The following MTAP variants were observed in gnomAD, a reference collection of about 807,000 sequenced individuals.
MTAP encodes S-methyl-5'-thioadenosine phosphorylase.
Under a neutral mutation model 33.6 loss-of-function variants are expected in MTAP, and 33 were observed. The observed-to-expected ratio is 0.98, with a 90% confidence interval of 0.74 to 1.31. The LOEUF (loss-of-function observed/expected upper bound fraction) is 1.31, where lower values mean the gene tolerates loss of function less well. MTAP is among the 40% of genes most tolerant of loss of function. The pLI, the probability that MTAP is intolerant of heterozygous loss-of-function variation, is 0.00. For missense variants in MTAP, 367 were observed against 360.0 expected (o/e 1.02, Z -0.16); for synonymous variants, 148 against 125.7 (o/e 1.18, Z -1.19).
At chr9:21,929,086 G>A (rs1041016056) in intron 1 of MTAP, among the ~76,000 whole-genome samples, 12 of 152,064 alleles carry the variant, frequency 7.9e-5, no homozygotes, top group South Asian at 6.2e-4. Flanking sequence ...ATTCTGGGGG[G>A]GCCACTTCAC....
Position 21,863,670 on chromosome 9 carries a change from A to C in MTAP, c.*1656A>C. ...TGCTTTTTGTTTGCTTCAGTTTTTTATCATGGGGAGATCTTTTTCCTCAGA... is the reference window on the plus strand; with the variant it reads ...TGCTTTTTGTTTGCTTCAGTTTTTTCTCATGGGGAGATCTTTTTCCTCAGA... On this transcript the variant is annotated 3_prime_UTR_variant, in exon 8 of 8. Transcript: ENST00000644715. The C allele has an allele frequency of 2.0e-6, 2 of 985,234 alleles. No individual in the cohort carries two copies. Among genetic ancestry groups the C allele is most frequent in the Non-Finnish European group, 2.4e-6 (2 of 829,818 alleles). The allele number at this position is 985,234 out of a possible 1,614,324, so 61.0% of individuals were successfully genotyped here.
chr9:21,803,314 T>C, intron 1 of MTAP: 1 of 190,246 alleles, frequency 5.3e-6, no homozygotes, highest in Admixed American at 6.1e-5. Context: ...TTTTGTATGC[T>C]TCCGGCTTCT....
At chr9:21,890,808 G>A (rs1245102967) in intron 1 of MTAP, among the ~76,000 whole-genome samples, 1 of 152,164 alleles carries the variant, frequency 6.6e-6, no homozygotes, top group Non-Finnish European at 1.5e-5. Context: ...GTCTCACAGA[G>A]CTTGCAGTGG....
intron 1 of MTAP, among the ~76,000 whole-genome samples, chr9:21,809,594 G>A (rs1298152753): frequency 1.3e-5 from 2 of 150,456 alleles, no homozygotes; most frequent in East Asian, 3.9e-4. Context: ...AGCCGAGATC[G>A]CACCACTGCA....
intron 5 of MTAP, among the ~76,000 whole-genome samples, chr9:21,852,547 C>A (rs1296331293): frequency 6.7e-6 from 1 of 150,062 alleles, no homozygotes; most frequent in Non-Finnish European, 1.5e-5. Context: ...GACTTTGGGG[C>A]CTCTGGGGGA....
chr9:21,875,393 CT>C (rs1270600504), intron 1 of MTAP, among the ~76,000 whole-genome samples: 2 of 152,100 alleles, frequency 1.3e-5, no homozygotes, highest in East Asian at 3.9e-4. Flanking sequence ...TAAATGTCTT[CT>C]TTTGAGAAGT....
rs1824529094 is a variant in MTAP at position 21,818,051 on chromosome 9, A to G, written c.196A>G (p.Thr66Ala). 6.2e-7 allele frequency: 1 copy of G among 1,612,246 alleles called. No individual in the cohort carries two copies. The highest frequency in any genetic ancestry group is 1.7e-5 in the Admixed American group (1 of 59,634). The change falls in exon 4 of 8, where the codon ACC (threonine) becomes GCC (alanine). Residue 66 changes from threonine (T) to alanine (A), a missense_variant. Coordinates refer to ENST00000644715, the MANE Select transcript of MTAP (RefSeq NM_002451.4). ...CTTCCATAGGCATGGAAGGCAGCAC[A>G]CCATCATGCCTTCAAAGGTCAACTA... is the stretch of plus-strand genomic sequence containing the variant. ...VLLARHGRQH[T>A]IMPSKVNYQA...
At chr9:21,899,052 CA>C (rs1343367211) in intron 1 of MTAP, among the ~76,000 whole-genome samples, 1 of 151,858 alleles carries the variant, frequency 6.6e-6, no homozygotes, top group African/African-American at 2.4e-5. Context: ...ACTATGCAGC[CA>C]TAAAAAAGGA....
At chr9:21,916,376 G>A (rs575310335) in intron 1 of MTAP, among the ~76,000 whole-genome samples, 24 of 152,196 alleles carry the variant, frequency 1.6e-4, no homozygotes, top group African/African-American at 5.3e-4. Flanking sequence ...TTAGGAGGCC[G>A]AGACGGGTGG....
At chr9:21,870,365 A>G (rs1384296821), downstream of MTAP, among the ~76,000 whole-genome samples, 1 of 152,232 alleles carries the variant, frequency 6.6e-6, no homozygotes, top group Non-Finnish European at 1.5e-5. Context: ...ACAGCAGGAA[A>G]CTTGTCATTT....
intron 1 of MTAP, among the ~76,000 whole-genome samples, chr9:21,912,994 CAGAG>C (rs1024302442): frequency 1.3e-5 from 2 of 152,130 alleles, no homozygotes; most frequent in Non-Finnish European, 2.9e-5. Context: ...CAATAACAGA[CAGAG>C]AGCCAAATCA....
chr9:21,851,514 A>G (rs2118479739), intron 5 of MTAP, among the ~76,000 whole-genome samples: 1 of 152,334 alleles, frequency 6.6e-6, no homozygotes, highest in South Asian at 2.1e-4. Context: ...TTCCAGTTGC[A>G]CAAAGGATAG....
intron 5 of MTAP, among the ~76,000 whole-genome samples, chr9:21,839,552 G>C (rs1305983405): frequency 6.6e-6 from 1 of 152,170 alleles, no homozygotes; most frequent in African/African-American, 2.4e-5. Context: ...ATCCAAGTTA[G>C]CCTCCCTTGA....
intron 5 of MTAP, 79 bp downstream of exon 5, chr9:21,838,089 G>C (rs575023145): frequency 1.2e-5 from 14 of 1,182,138 alleles, no homozygotes; most frequent in East Asian, 1.2e-4. Context: ...TTAATTGGCA[G>C]AGCGAGTGGC....
intron 1 of MTAP, among the ~76,000 whole-genome samples, chr9:21,908,712 G>C (rs1159356819): frequency 1.3e-5 from 2 of 151,676 alleles, no homozygotes; most frequent in African/African-American, 4.8e-5. Flanking sequence ...TCCTTTTCTT[G>C]CTTCCCTACA....
intron 1 of MTAP, among the ~76,000 whole-genome samples, chr9:21,880,204 G>A (rs1452415620): frequency 2.6e-5 from 4 of 152,102 alleles, no homozygotes; most frequent in African/African-American, 9.7e-5. Flanking sequence ...AGAAGAGTAA[G>A]AGAGCTAAGT....
At chr9:21,899,236 G>A (rs1180995942) in intron 1 of MTAP, among the ~76,000 whole-genome samples, 1 of 122,230 alleles carries the variant, frequency 8.2e-6, no homozygotes, top group African/African-American at 3.1e-5. Context: ...CCTGTTGTGG[G>A]GTGGGGGGAG....
chr9:21,810,086 G>A (rs1824307722), intron 1 of MTAP, among the ~76,000 whole-genome samples: 2 of 152,176 alleles, frequency 1.3e-5, no homozygotes, highest in South Asian at 2.1e-4. Flanking sequence ...GTATTAGTTC[G>A]CTAGGCCTGC....
At position 21,877,400 on chromosome 9, in the gene MTAP, T is replaced by G. The variant is rs368106221; in HGVS notation, c.147+22530T>G. Among the ~76,000 whole-genome samples the G allele has an allele frequency of 1.5e-4, 23 of 152,226 alleles. 1 individual carries two copies. Among genetic ancestry groups the G allele is most frequent in the African/African-American group, 5.5e-4 (23 of 41,566 alleles). On this transcript the variant is annotated intron_variant, in intron 1 of 1. Coordinates refer to the MTAP transcript ENST00000577563. Reference sequence around the variant, plus strand: ...CCAGGACATCCAATGCAATGTTGAATAGGAGTGGTAAGAGAGGGCATTCTT... The same window carrying G: ...CCAGGACATCCAATGCAATGTTGAAGAGGAGTGGTAAGAGAGGGCATTCTT...
Sources: gnomAD v4.1 joint callset for allele counts (sites outside exome capture counted in the v4.1 genomes callset) on GRCh38, gnomAD v4.1.1 for gene constraint, MANE v1.5 for transcripts, NCBI Gene and HGNC (gene_info 2026-07-23, HGNC 2026-07-21) for gene names.